The following RORA variants were observed in gnomAD, a reference collection of about 807,000 sequenced individuals.
The protein encoded by RORA is nuclear receptor ROR-alpha.
A neutral mutation model predicts 69.5 loss-of-function variants in RORA; 7 were observed. The ratio of observed to expected loss-of-function variants is 0.10; its 90% CI spans 0.06 to 0.19. The LOEUF is 0.19. Ranked by LOEUF, RORA falls within the 10% of genes least tolerant of loss-of-function variation. RORA has a pLI of 1.00. For synonymous variants in RORA, 261 were observed against 240.8 expected (o/e 1.08, Z -0.78); for missense variants, 457 against 663.0 (o/e 0.69, Z 3.41).
intron 1 of RORA, among the ~76,000 whole-genome samples, chr15:60,851,860 C>A (rs928505116): frequency 2.0e-5 from 3 of 151,886 alleles, no homozygotes; most frequent in African/African-American, 7.3e-5. Context: ...GTTCTGAGAA[C>A]TTTTCTTCCG....
At chr15:61,146,693 T>A (rs1346523226) in intron 1 of RORA, among the ~76,000 whole-genome samples, 2 of 152,156 alleles carry the variant, frequency 1.3e-5, no homozygotes, top group African/African-American at 4.8e-5. Flanking sequence ...CAAAAAATAA[T>A]TAAAATGAAA....
intron 1 of RORA, among the ~76,000 whole-genome samples, chr15:61,100,499 A>C (rs2078863697): frequency 6.6e-6 from 1 of 152,178 alleles, no homozygotes; most frequent in Non-Finnish European, 1.5e-5. Flanking sequence ...TACATGGAAG[A>C]AGCAGAACAG....
chr15:61,088,811 C>T (rs753741225), intron 1 of RORA, among the ~76,000 whole-genome samples: 3 of 152,156 alleles, frequency 2.0e-5, no homozygotes, highest in Admixed American at 6.5e-5. Context: ...AAGTCTCCTC[C>T]ATCATCACTG....
chr15:60,716,966 A>G (rs2071229118), intron 1 of RORA, among the ~76,000 whole-genome samples: 4 of 152,184 alleles, frequency 2.6e-5, no homozygotes, highest in Admixed American at 2.6e-4. Flanking sequence ...AGACTACTTC[A>G]GCAAATTAAT....
rs1404540788 is a variant in RORA at position 61,147,755 on chromosome 15, G to A, written c.166+81298C>T. Among the ~76,000 whole-genome samples, 3 of 140,456 alleles carry A rather than the reference G, an allele frequency of 2.1e-5. No homozygotes were observed. The highest frequency in any genetic ancestry group is 3.1e-5 in the Non-Finnish European group (2 of 65,138). The allele number at this position is 140,456 out of a possible 152,430, so 92.1% of individuals were successfully genotyped here. ...AGAAAGGTTGATGGTCAGTAGGCAC[G>A]TGCGCACACGCGTGTGTGTGTGTGT... On this transcript the variant is annotated intron_variant, in intron 1 of 10. Coordinates refer to ENST00000335670, the MANE Select transcript of RORA (RefSeq NM_134261.3). The surrounding 1 kb of genome is among the most constrained non-coding windows in gnomAD (Gnocchi z 4.1).
intron 1 of RORA, among the ~76,000 whole-genome samples, chr15:60,792,134 T>C (rs577579884): frequency 5.8e-4 from 88 of 151,570 alleles, no homozygotes; most frequent in Middle Eastern, 6.8e-3. Flanking sequence ...AATCCTAGAG[T>C]TGAAAAGTAG....
At chr15:60,645,195 CTGTT>C (rs1451035345) in intron 2 of RORA, among the ~76,000 whole-genome samples, 1 of 151,568 alleles carries the variant, frequency 6.6e-6, no homozygotes, top group Non-Finnish European at 1.5e-5. Flanking sequence ...AATCAAGAGA[CTGTT>C]GGGCGAGGAG....
chr15:60,603,775 A>G (rs1263473284), intron 2 of RORA, among the ~76,000 whole-genome samples: 2 of 152,212 alleles, frequency 1.3e-5, no homozygotes, highest in Non-Finnish European at 1.5e-5. Flanking sequence ...GCGCTTGAAC[A>G]CTAGACAGCA....
intron 1 of RORA, among the ~76,000 whole-genome samples, chr15:60,691,511 A>C (rs1596130428): frequency 6.6e-6 from 1 of 152,202 alleles, no homozygotes; most frequent in Non-Finnish European, 1.5e-5. Context: ...CTAGTTTACC[A>C]ATAGTGACTC....
chr15:60,748,767 TGATAACGG>T (rs967514543), intron 1 of RORA, among the ~76,000 whole-genome samples: 12 of 152,300 alleles, frequency 7.9e-5, no homozygotes, highest in African/African-American at 2.6e-4. Flanking sequence ...AGCATGGCAT[TGATAACGG>T]GAAGTTGGGG....
At chr15:60,565,225 AC>A (rs2067682912) in intron 2 of RORA, among the ~76,000 whole-genome samples, 2 of 152,316 alleles carry the variant, frequency 1.3e-5, no homozygotes, top group Admixed American at 1.3e-4. Flanking sequence ...TAAGACATTT[AC>A]TTTTTTCTTT....
rs75562534 is a variant in RORA at position 60,536,239 on chromosome 15, T to G, written c.197-4388A>C. Among the ~76,000 whole-genome samples the G allele has an allele frequency of 1.0e-3, 156 of 152,380 alleles. 1 individual carries two copies. Among genetic ancestry groups the G allele is most frequent in the African/African-American group, 3.6e-3 (150 of 41,588 alleles). ...ACATACCATATATATGATATCTGTA[T>G]GAGCATTTTATATATGTATTCTCTA... On this transcript the variant is annotated intron_variant, in intron 2 of 10. Coordinates refer to ENST00000335670, the MANE Select transcript of RORA (RefSeq NM_134261.3).
At chr15:60,779,995 T>G (rs368521824) in intron 1 of RORA, among the ~76,000 whole-genome samples, 1 of 152,190 alleles carries the variant, frequency 6.6e-6, no homozygotes, top group Non-Finnish European at 1.5e-5. Context: ...CAGCAAATCT[T>G]TATACATCTC....
intron 2 of RORA, among the ~76,000 whole-genome samples, chr15:60,621,648 G>A (rs917137661): frequency 2.0e-5 from 3 of 152,194 alleles, no homozygotes; most frequent in African/African-American, 7.2e-5. Flanking sequence ...CAGATTGTGG[G>A]TTGGGGAACA....
chr15:60,891,557 G>A (rs1438394141), intron 1 of RORA, among the ~76,000 whole-genome samples: 3 of 152,124 alleles, frequency 2.0e-5, no homozygotes, highest in Admixed American at 6.5e-5. Context: ...AGCAAGAGGC[G>A]GAGACTCAGA....
intron 1 of RORA, among the ~76,000 whole-genome samples, chr15:60,844,341 G>T (rs576920766): frequency 2.6e-5 from 4 of 152,286 alleles, no homozygotes; most frequent in East Asian, 3.9e-4. Flanking sequence ...AAACTACACA[G>T]AAATGCATCT....
chr15:61,187,860 C>T (rs1473291312), intron 1 of RORA, among the ~76,000 whole-genome samples: 5 of 152,092 alleles, frequency 3.3e-5, no homozygotes, highest in Admixed American at 3.3e-4. Flanking sequence ...TGCCCAGTGC[C>T]TCACTTTGTT....
intron 3 of RORA, among the ~76,000 whole-genome samples, chr15:60,516,008 TA>T (rs2065885696): frequency 2.2e-4 from 3 of 13,482 alleles, no homozygotes; most frequent in Admixed American, 1.5e-3. Flanking sequence ...TATTTATATA[TA>T]TTTATATATA....
At chr15:61,070,612 A>T (rs2078327604) in intron 1 of RORA, among the ~76,000 whole-genome samples, 1 of 152,228 alleles carries the variant, frequency 6.6e-6, no homozygotes. Context: ...TGTCTATTCT[A>T]TCTCAAACAC....
Sources: gnomAD v4.1 joint callset for allele counts (sites outside exome capture counted in the v4.1 genomes callset) on GRCh38, gnomAD v4.1.1 for gene constraint, Gnocchi (gnomAD v3.1) non-coding constraint, MANE v1.5 for transcripts, NCBI Gene and HGNC (gene_info 2026-07-23, HGNC 2026-07-21) for gene names.